The following UBE3D variants were observed in gnomAD, a reference collection of about 807,000 sequenced individuals.
The protein encoded by UBE3D is ubiquitin protein ligase E3D.
In UBE3D, 48 loss-of-function variants were observed where a neutral mutation model predicts 49.6. The observed-to-expected ratio is 0.97, with a 90% CI of 0.77 to 1.23. The LOEUF (loss-of-function observed/expected upper bound fraction) is 1.23, where lower values mean the gene tolerates loss of function less well. Ranked by LOEUF, UBE3D falls within the 50% of genes most tolerant of loss-of-function variation. The probability of loss-of-function intolerance (pLI) is 0.00; values close to 1 mark genes in which losing one functional copy is unlikely to be tolerated. For synonymous variants in UBE3D, 189 were observed against 174.2 expected (o/e 1.08, Z -0.67); for missense variants, 452 against 468.4 (o/e 0.96, Z 0.32).
intron 5 of UBE3D, among the ~76,000 whole-genome samples, chr6:83,028,674 T>A (rs1582683802): frequency 6.6e-6 from 1 of 152,232 alleles, no homozygotes. Context: ...TCTGCTTTTC[T>A]GGTAATTTAC....
chr6:82,934,407 G>C (rs1458733970), intron 9 of UBE3D, among the ~76,000 whole-genome samples: 1 of 152,160 alleles, frequency 6.6e-6, no homozygotes, highest in Non-Finnish European at 1.5e-5. Context: ...TAACAGAGGG[G>C]CTGGACTTAG....
At chr6:82,957,285 C>G (rs368831943) in intron 9 of UBE3D, 27 bp downstream of exon 9, 2 of 1,603,476 alleles carry the variant, frequency 1.2e-6, no homozygotes, top group Admixed American at 1.7e-5. Flanking sequence ...TGAGAAATCA[C>G]GGCCTAGAAA....
rs1280895306 is a variant in UBE3D, at chr6:83,019,220, CTA to C, written c.847-86_847-85del. 5 of 1,240,826 alleles carry C rather than the reference CTA, an allele frequency of 4.0e-6. No individual in the cohort carries two copies. The African/African-American group carries it at 7.8e-5, about 19-fold the overall frequency. 76.9% of individuals were successfully genotyped at this position (1,240,826 alleles called of 1,614,324 possible). A position where few individuals can be genotyped will look rare whatever the true frequency, so the allele number is the denominator to read the frequency against. The stretch of plus-strand genomic sequence containing the variant: ...TGACTTTTCAAAAACAAAAAAGAGA[CTA>C]TGAAAATACCAGAAAAAATAAATAT... On this transcript the variant is annotated intron_variant, in intron 7 of 9. Coordinates refer to ENST00000369747, the MANE Select transcript of UBE3D (RefSeq NM_198920.3).
chr6:83,006,673 G>A (rs967539882), intron 8 of UBE3D, among the ~76,000 whole-genome samples: 1 of 152,078 alleles, frequency 6.6e-6, no homozygotes, highest in African/African-American at 2.4e-5. Flanking sequence ...TCTAGTCTGT[G>A]GTATTTTGCT....
chr6:82,947,529 C>T (rs985781217), intron 9 of UBE3D, among the ~76,000 whole-genome samples: 2 of 147,954 alleles, frequency 1.4e-5, no homozygotes, highest in Non-Finnish European at 3.0e-5. Context: ...CTTTTCTTTT[C>T]TTTTTCTTGC....
chr6:82,930,980 C>T (rs1266035373), intron 9 of UBE3D, among the ~76,000 whole-genome samples: 1 of 152,106 alleles, frequency 6.6e-6, no homozygotes, highest in Non-Finnish European at 1.5e-5. Flanking sequence ...GCCTGGAGGC[C>T]TAGGAGGAAA....
At chr6:83,042,141 C>T (rs1028038355) in intron 4 of UBE3D, among the ~76,000 whole-genome samples, 2 of 152,116 alleles carry the variant, frequency 1.3e-5, no homozygotes, top group Non-Finnish European at 2.9e-5. Context: ...ATCTCCTGAC[C>T]TCATGATCCA....
At chr6:83,064,234 T>TTATAAAA (rs1784355834) in intron 1 of UBE3D, among the ~76,000 whole-genome samples, 1 of 152,216 alleles carries the variant, frequency 6.6e-6, no homozygotes. Context: ...TTTTTATTTT[T>TTATAAAA]TATTTTTTGA....
intron 9 of UBE3D, among the ~76,000 whole-genome samples, chr6:82,897,547 C>A (rs1771420205): frequency 6.6e-6 from 1 of 152,094 alleles, no homozygotes; most frequent in Admixed American, 6.6e-5. Context: ...GCTGAGATCC[C>A]ACCAGTGAAC....
chr6:82,895,228 T>C (rs575031395), intron 9 of UBE3D, among the ~76,000 whole-genome samples: 1 of 152,270 alleles, frequency 6.6e-6, no homozygotes, highest in South Asian at 2.1e-4. Flanking sequence ...TGAGAATCAC[T>C]TGAACCCATA....
intron 8 of UBE3D, among the ~76,000 whole-genome samples, chr6:82,998,235 T>C (rs567427306): frequency 7.7e-4 from 118 of 152,324 alleles, no homozygotes; most frequent in Non-Finnish European, 1.5e-3. Flanking sequence ...TACATGCACC[T>C]GGAAGGCTCT....
At chr6:83,045,209 T>C (rs910694626) in intron 3 of UBE3D, among the ~76,000 whole-genome samples, 3 of 152,020 alleles carry the variant, frequency 2.0e-5, no homozygotes, top group Non-Finnish European at 2.9e-5. Flanking sequence ...ACAAACTATA[T>C]GCATATTTTA....
At chr6:82,911,275 A>G (rs2127726390) in intron 9 of UBE3D, among the ~76,000 whole-genome samples, 1 of 149,022 alleles carries the variant, frequency 6.7e-6, no homozygotes, top group East Asian at 2.0e-4. Flanking sequence ...TTATTACCTT[A>G]ATGCAAGACT....
chr6:83,000,948 G>A (rs1335140487), intron 8 of UBE3D, among the ~76,000 whole-genome samples: 1 of 151,864 alleles, frequency 6.6e-6, no homozygotes, highest in African/African-American at 2.4e-5. Context: ...GGGTTCAAGT[G>A]TTTCTCCTGC....
intron 9 of UBE3D, among the ~76,000 whole-genome samples, chr6:82,945,358 TG>T (rs1775323836): frequency 6.6e-6 from 1 of 152,218 alleles, no homozygotes. Flanking sequence ...GAGAAGAGTC[TG>T]CCAGGTAATC....
chr6:83,057,851 C>T lies in UBE3D; in HGVS notation c.249G>A (p.Leu83=), dbSNP rs1023931738. The T allele has an allele frequency of 3.1e-6, 5 of 1,614,010 alleles. No homozygotes were observed. Among genetic ancestry groups the T allele is most frequent in the Admixed American group, 1.7e-5 (1 of 59,998 alleles). The change falls in exon 2 of 10, where the codon CTG becomes CTA. Residue 83 remains leucine, a synonymous_variant. Coordinates refer to ENST00000369747, the MANE Select transcript of UBE3D (RefSeq NM_198920.3). ...FVVGDGLHLR[L]QTQAKLGTKL... ...TTGTGCCTAATTTTGCTTGCGTCTGCAGTCGCAGGTGCAGTCCATCTCCAA... is the reference window on the plus strand; with the variant it reads ...TTGTGCCTAATTTTGCTTGCGTCTGTAGTCGCAGGTGCAGTCCATCTCCAA...
intron 8 of UBE3D, among the ~76,000 whole-genome samples, chr6:82,974,809 A>G (rs536827078): frequency 1.3e-4 from 20 of 152,046 alleles, no homozygotes; most frequent in African/African-American, 4.3e-4. Context: ...GTACTCTTTT[A>G]AAAACATCAT....
At chr6:82,933,313 G>A (rs192293756) in intron 9 of UBE3D, among the ~76,000 whole-genome samples, 1 of 152,276 alleles carries the variant, frequency 6.6e-6, no homozygotes, top group Non-Finnish European at 1.5e-5. Flanking sequence ...ACACAACAGA[G>A]TTAAGAAAAA....
chr6:83,022,537 G>A lies in UBE3D; in HGVS notation c.762C>T (p.Ile254=), dbSNP rs149450383. 229 of 1,601,928 alleles carry A rather than the reference G, an allele frequency of 1.4e-4. No homozygotes were observed. Among genetic ancestry groups the A allele is most frequent in the Non-Finnish European group, 8.8e-5 (104 of 1,175,684 alleles). Residue 254 remains isoleucine, a synonymous_variant, in exon 7 of 10, where the codon ATC becomes ATT. Coordinates refer to ENST00000369747, the MANE Select transcript of UBE3D (RefSeq NM_198920.3). ...IPRSWFVQSV[I]AQCLVQLSSA... is the part of the protein sequence containing the mutation. ...AGGAGAGCTGCACCAGACACTGGGC[G>A]ATCACGCTCTGGACAAACCAAGACC... is the stretch of plus-strand genomic sequence containing the variant.
Sources: gnomAD v4.1 joint callset for allele counts (sites outside exome capture counted in the v4.1 genomes callset) on GRCh38, gnomAD v4.1.1 for gene constraint, MANE v1.5 for transcripts, NCBI Gene and HGNC (gene_info 2026-07-23, HGNC 2026-07-21) for gene names.